The following P4HB variants were observed in gnomAD, a reference collection of about 807,000 sequenced individuals.
P4HB encodes prolyl 4-hydroxylase subunit beta, also known as protein disulfide-isomerase.
Under a neutral mutation model 52.6 loss-of-function variants are expected in P4HB, and 20 were observed. That is an observed-to-expected ratio of 0.38 (90% CI 0.27 to 0.55). P4HB has a LOEUF of 0.55. Among genes scored for constraint, P4HB ranks in the 20% least tolerant of loss-of-function variants. The pLI is 0.74. For missense variants in P4HB, 601 were observed against 669.2 expected (o/e 0.90, Z 1.12); for synonymous variants, 296 against 277.9 (o/e 1.07, Z -0.65).
chr17:81,853,963 A>G (rs1408838302), intron 4 of P4HB, among the ~76,000 whole-genome samples: 2 of 152,238 alleles, frequency 1.3e-5, no homozygotes, highest in Non-Finnish European at 2.9e-5. Context: ...GACACTGTGC[A>G]AACAAGGACC....
At chr17:81,860,163 C>G (rs1228406102) in intron 1 of P4HB, 164 bp downstream of exon 1, 1 of 537,548 alleles carries the variant, frequency 1.9e-6, no homozygotes, top group East Asian at 3.7e-5. Flanking sequence ...GGCTCTCACC[C>G]CCAGGGAGCC....
intron 4 of P4HB, among the ~76,000 whole-genome samples, chr17:81,851,486 A>G (rs971868948): frequency 6.6e-6 from 1 of 152,206 alleles, no homozygotes; most frequent in African/African-American, 2.4e-5. Flanking sequence ...CAGAGGGGCA[A>G]AGGCGGGTAA....
rs763192223 is a variant in P4HB, at chr17:81,847,342, A to T, written c.630T>A (p.Asp210Glu). 4 of 1,613,590 alleles carry T rather than the reference A, an allele frequency of 2.5e-6. No homozygotes were observed. Among genetic ancestry groups the T allele is most frequent in the Middle Eastern group, 1.6e-4 (1 of 6,062 alleles). The change falls in exon 5 of 11, where the codon GAT (aspartate) becomes GAA (glutamate). Residue 210 changes from aspartate (D) to glutamate (E), a missense_variant. By Grantham distance (45) the Asp-to-Glu change is conservative (BLOSUM62 2). Coordinates refer to ENST00000331483, the MANE Select transcript of P4HB (RefSeq NM_000918.4). ...CCCCTTCAAAGTTGTTCCGGCCTTC[A>T]TCAAACTGTGGACAGAAAGAGGGCC... ...KDGVVLFKKF[D>E]EGRNNFEGEV...
At position 81,847,037 on chromosome 17, in the gene P4HB, A is replaced by T. The variant is rs1598264334; in HGVS notation, c.765T>A (p.Thr255=). Residue 255 remains threonine, a synonymous_variant, in exon 6 of 11, where the codon ACT becomes ACA. Coordinates refer to ENST00000331483, the MANE Select transcript of P4HB (RefSeq NM_000918.4). ...TCTTGGGCAAGAACAGCAGGATGTG[A>T]GTCTTGATTTCACCTCCAAAAATCT... ...APKIFGGEIK[T]HILLFLPKSV... 6.2e-7 allele frequency: 1 copy of T among 1,614,028 alleles called. No homozygotes were observed. Among genetic ancestry groups the T allele is most frequent in the Non-Finnish European group, 8.5e-7 (1 of 1,179,990 alleles).
intron 4 of P4HB, among the ~76,000 whole-genome samples, chr17:81,850,675 G>GTTTC: frequency 6.8e-6 from 1 of 146,874 alleles, no homozygotes; most frequent in East Asian, 2.1e-4. Flanking sequence ...TAGAGATGGG[G>GTTTC]TTTCTCCATG....
intron 1 of P4HB, chr17:81,859,763 G>T: frequency 3.2e-6 from 1 of 309,356 alleles, no homozygotes. Context: ...GTGGCGGCCT[G>T]TACCAGCACT....
At position 81,855,939 on chromosome 17, in the gene P4HB, G is replaced by A. The variant is rs2038906667; in HGVS notation, c.353-353C>T. On this transcript the variant is annotated intron_variant, in intron 2 of 10. Coordinates refer to ENST00000331483, the MANE Select transcript of P4HB (RefSeq NM_000918.4). The surrounding 1 kb of genome is among the most constrained non-coding windows in gnomAD (Gnocchi z 4.3). ...GCTGGAGGGTAGTGGCAGAATCTTG[G>A]CTCACTGCAGCCTCCACCCACTGGG... 1 of 207,944 alleles carries A rather than the reference G, an allele frequency of 4.8e-6. No homozygotes were observed. The highest frequency in any genetic ancestry group is 9.6e-6 in the Non-Finnish European group (1 of 103,776). The allele number at this position is 207,944 out of a possible 1,614,324, so 12.9% of individuals were successfully genotyped here.
At chr17:81,854,378 A>G (rs2038881045) in intron 4 of P4HB, among the ~76,000 whole-genome samples, 1 of 151,870 alleles carries the variant, frequency 6.6e-6, no homozygotes, top group African/African-American at 2.4e-5. Flanking sequence ...CATGTCTACC[A>G]AAAAATACAA....
In P4HB at chr17:81,855,539, C is replaced by T. The variant is rs2038900999; in HGVS notation, c.400G>A (p.Gly134Ser). The change falls in exon 3 of 11, where the codon GGC (glycine) becomes AGC (serine). Residue 134 changes from glycine to serine, a missense_variant. Physicochemically the swap from Gly to Ser is moderately conservative, Grantham distance 56. Transcript: ENST00000331483. This position sits in a 1 kb window ranked among gnomAD's most constrained non-coding sequence, Gnocchi z 4.3. ...TCAGGCAGGGTGGTGGCAGCCGGGC[C>T]CGTGCGCTTCTTCAGCCAGTTCACG... ...DIVNWLKKRT[G>S]PAATTLPDGA... 1 of 1,614,000 alleles carries T rather than the reference C, an allele frequency of 6.2e-7. No homozygotes were observed. The highest frequency in any genetic ancestry group is 8.5e-7 in the Non-Finnish European group (1 of 1,180,022).
chr17:81,860,265 G>T (rs2038978472), intron 1 of P4HB, 62 bp downstream of exon 1: 13 of 1,283,186 alleles, frequency 1.0e-5, no homozygotes, highest in Non-Finnish European at 1.3e-5. Context: ...GGCCGTGCCT[G>T]CGTCCCAAGA....
Position 81,846,262 on chromosome 17 carries a change from G to T in P4HB, c.1056+167C>A. On this transcript the variant is annotated intron_variant, in intron 7 of 10. Coordinates refer to ENST00000331483, the MANE Select transcript of P4HB (RefSeq NM_000918.4). The surrounding 1 kb of genome is among the most constrained non-coding windows in gnomAD (Gnocchi z 5.7). ...CGTGTGGACAAGAGGGCTCCTACAGGTCCCCAAAGGTGTGACAAGAATGGT... is the reference window on the plus strand; with the variant it reads ...CGTGTGGACAAGAGGGCTCCTACAGTTCCCCAAAGGTGTGACAAGAATGGT... 1 of 720,466 alleles carries T rather than the reference G, an allele frequency of 1.4e-6. No homozygotes were observed. Among genetic ancestry groups the T allele is most frequent in the Non-Finnish European group, 2.3e-6 (1 of 438,390 alleles). The allele number at this position is 720,466 out of a possible 1,614,324, so 44.6% of individuals were successfully genotyped here.
chr17:81,843,715 A>G lies in P4HB; in HGVS notation c.*297T>C, dbSNP rs1017384351. On this transcript the variant is annotated 3_prime_UTR_variant, in exon 11 of 11. Coordinates refer to ENST00000331483, the MANE Select transcript of P4HB (RefSeq NM_000918.4). Reference sequence around the variant, plus strand: ...GGAGGGAGGCAGCGAGACTCCGAACACGGTAGCAAGCACTCTGGACAGACT... The same window carrying G: ...GGAGGGAGGCAGCGAGACTCCGAACGCGGTAGCAAGCACTCTGGACAGACT... 4 of 441,362 alleles carry G rather than the reference A, an allele frequency of 9.1e-6. No homozygotes were observed. The highest frequency in any genetic ancestry group is 7.9e-5 in the Admixed American group (2 of 25,470). The allele number at this position is 441,362 out of a possible 1,614,324, so 27.3% of individuals were successfully genotyped here. A position where few individuals can be genotyped will look rare whatever the true frequency, so the allele number is the denominator to read the frequency against.
chr17:81,852,028 TA>T (rs1434677969), intron 4 of P4HB, among the ~76,000 whole-genome samples: 2 of 151,912 alleles, frequency 1.3e-5, no homozygotes, highest in African/African-American at 4.8e-5. Context: ...ACAGAAGTAT[TA>T]AAAAATAGCC....
At position 81,859,189 on chromosome 17, in the gene P4HB, T is replaced by A; in HGVS notation, c.344A>T (p.Glu115Val). Residue 115 changes from glutamate to valine, a missense_variant, in exon 2 of 11, where the codon GAA (glutamate) becomes GTA (valine). Glu to Val is a moderately radical substitution (Grantham distance 121). Coordinates refer to ENST00000331483, the MANE Select transcript of P4HB (RefSeq NM_000918.4). ...CAGTGCCACAGCCACACCTGTATAT[T>A]CCTTGGGGGAAGCCGTGTCTCCATT... ...FRNGDTASPK[E>V]YTAGREADDI... 6.2e-7 allele frequency: 1 copy of A among 1,613,724 alleles called. No homozygotes were observed. Among genetic ancestry groups the A allele is most frequent in the Non-Finnish European group, 8.5e-7 (1 of 1,179,872 alleles).
Position 81,846,061 on chromosome 17 carries a change from C to G in P4HB, c.1057-70G>C. On this transcript the variant is annotated intron_variant, in intron 7 of 10. Transcript: ENST00000331483. The surrounding 1 kb of genome is among the most constrained non-coding windows in gnomAD (Gnocchi z 5.7). ...GACCACAGAGCTCCCCAACCCTCAC[C>G]CTGCCCGGGACTGAGGTGCGTGGCT... 1 of 1,492,944 alleles carries G rather than the reference C, an allele frequency of 6.7e-7. No homozygotes were observed. The highest frequency in any genetic ancestry group is 1.3e-5 in the South Asian group (1 of 77,490). 92.5% of individuals were successfully genotyped at this position (1,492,944 alleles called of 1,614,324 possible). A position where few individuals can be genotyped will look rare whatever the true frequency, so the allele number is the denominator to read the frequency against.
rs901002093 is a variant in P4HB at position 81,858,257 on chromosome 17, C to CAAA, written c.352+921_352+923dup. On this transcript the variant is annotated intron_variant, in intron 2 of 10. Coordinates refer to ENST00000331483, the MANE Select transcript of P4HB (RefSeq NM_000918.4). ...ACTGCACGACAGAGCGAGACTGTCT[C>CAAA]AAAAAAAAAAAAAAAAAAAAAAAAA... 3.9e-4 allele frequency among the ~76,000 whole-genome samples: 15 copies of CAAA among 38,784 alleles called. 1 individual carries two copies. Among genetic ancestry groups the CAAA allele is most frequent in the East Asian group, 9.7e-4 (1 of 1,034 alleles). 25.4% of individuals were successfully genotyped at this position (38,784 alleles called of 152,430 possible). A position where few individuals can be genotyped will look rare whatever the true frequency, so the allele number is the denominator to read the frequency against.
chr17:81,854,994 C>G (rs2038890652), intron 4 of P4HB, 148 bp downstream of exon 4: 20 of 768,100 alleles, frequency 2.6e-5, no homozygotes, highest in Admixed American at 2.3e-4. Flanking sequence ...GGCATCAGCG[C>G]AACACCCCAA....
Position 81,845,738 on chromosome 17 carries a change from G to C in P4HB, c.1182C>G (p.Ala394=), listed in dbSNP as rs771527087. The change falls in exon 9 of 11, where the codon GCC becomes GCG. Residue 394 remains alanine, a synonymous_variant. Transcript: ENST00000331483. ...ACTGTTTGCAGTGACCACACCATGG[G>C]GCATCTGAAAAGAAAGCAGTTCTAG... ...EKKNVFVEFY[A]PWCGHCKQLA... The C allele has an allele frequency of 1.2e-6, 2 of 1,612,758 alleles. No homozygotes were observed. The highest frequency in any genetic ancestry group is 2.2e-5 in the East Asian group (1 of 44,826).
rs200716909 is a variant in P4HB at position 81,855,444 on chromosome 17, G to A, written c.486+9C>T. 15 of 1,609,716 alleles carry A rather than the reference G, an allele frequency of 9.3e-6. No individual in the cohort carries two copies. The African/African-American group carries it at 1.5e-4, about 16-fold the overall frequency. ...GAAGGAAGGAAGACTGGAATGCTCT[G>A]GTCTCTACCTTGAAGAAGCCGATGA... On this transcript the variant is annotated intron_variant, in intron 3 of 10. Coordinates refer to ENST00000331483, the MANE Select transcript of P4HB (RefSeq NM_000918.4). The surrounding 1 kb of genome is among the most constrained non-coding windows in gnomAD (Gnocchi z 4.3).
Sources: gnomAD v4.1 joint callset for allele counts (sites outside exome capture counted in the v4.1 genomes callset) on GRCh38, gnomAD v4.1.1 for gene constraint, Gnocchi (gnomAD v3.1) non-coding constraint, MANE v1.5 for transcripts, NCBI Gene and HGNC (gene_info 2026-07-23, HGNC 2026-07-21) for gene names.